Variants in HSD11B1 observed in about 807,000 individuals in gnomAD.
HSD11B1 encodes hydroxysteroid 11-beta dehydrogenase 1.
Under a neutral mutation model 22.1 loss-of-function variants are expected in HSD11B1, and 15 were observed. The ratio of observed to expected loss-of-function variants is 0.68; its 90% confidence interval spans 0.45 to 1.04. The LOEUF is 1.04. Among genes scored for constraint, HSD11B1 ranks in the 50% least tolerant of loss-of-function variants. The pLI is 0.00. For synonymous variants in HSD11B1, 122 were observed against 125.2 expected (o/e 0.97, Z 0.17); for missense variants, 281 against 357.6 (o/e 0.79, Z 1.73).
intron 1 of HSD11B1, among the ~76,000 whole-genome samples, chr1:209,686,769 C>T (rs1037063463): frequency 1.2e-4 from 19 of 152,192 alleles, no homozygotes; most frequent in Non-Finnish European, 7.3e-5. Context: ...ATGTTGCAGC[C>T]AAACATCAGC....
At chr1:209,722,977 A>G (rs565429744) in intron 4 of HSD11B1, among the ~76,000 whole-genome samples, 1 of 152,304 alleles carries the variant, frequency 6.6e-6, no homozygotes, top group East Asian at 1.9e-4. Context: ...TACTCAGCTA[A>G]TAAGCCTCAG....
intron 1 of HSD11B1, among the ~76,000 whole-genome samples, chr1:209,697,661 C>T (rs1196172580): frequency 6.6e-6 from 1 of 152,036 alleles, no homozygotes; most frequent in East Asian, 1.9e-4. Flanking sequence ...ACCTCTTTTG[C>T]CTTTTTGGGC....
chr1:209,690,053 T>G (rs2076750044), intron 1 of HSD11B1, among the ~76,000 whole-genome samples: 2 of 152,244 alleles, frequency 1.3e-5, no homozygotes, highest in South Asian at 4.1e-4. Flanking sequence ...CAGTGTCTCA[T>G]GCCTATAATC....
At chr1:209,723,502 A>G (rs2076981144) in intron 4 of HSD11B1, among the ~76,000 whole-genome samples, 1 of 152,138 alleles carries the variant, frequency 6.6e-6, no homozygotes. Flanking sequence ...CCTGGACATG[A>G]GCTAGGGCAG....
At chr1:209,697,485 C>A (rs181259798) in intron 1 of HSD11B1, among the ~76,000 whole-genome samples, 1 of 152,212 alleles carries the variant, frequency 6.6e-6, no homozygotes, top group African/African-American at 2.4e-5. Flanking sequence ...CTTCCATTAG[C>A]GCACTGGTAA....
intron 4 of HSD11B1, among the ~76,000 whole-genome samples, chr1:209,727,833 C>T (rs925595397): frequency 3.9e-5 from 6 of 152,292 alleles, no homozygotes; most frequent in East Asian, 1.9e-4. Context: ...TACTTGTCTC[C>T]GCTTACTTAT....
intron 1 of HSD11B1, among the ~76,000 whole-genome samples, chr1:209,689,032 G>A (rs1397730047): frequency 1.3e-5 from 2 of 152,168 alleles, no homozygotes; most frequent in African/African-American, 4.8e-5. Context: ...TACTCCAGCT[G>A]GAGAAGGAAA....
intron 5 of HSD11B1, 116 bp downstream of exon 5, chr1:209,732,695 C>G: frequency 1.2e-6 from 1 of 852,012 alleles, no homozygotes; most frequent in East Asian, 2.6e-5. Flanking sequence ...GTGTGCTGCA[C>G]CCATTAACTC....
chr1:209,690,604 G>A (rs1271598546), intron 1 of HSD11B1, among the ~76,000 whole-genome samples: 1 of 151,972 alleles, frequency 6.6e-6, no homozygotes, highest in African/African-American at 2.4e-5. Flanking sequence ...GGCTGAGGCA[G>A]GAGAACCGCT....
At chr1:209,710,660 T>G (rs1249065766) in intron 4 of HSD11B1, among the ~76,000 whole-genome samples, 3 of 152,126 alleles carry the variant, frequency 2.0e-5, no homozygotes, top group Non-Finnish European at 2.9e-5. Flanking sequence ...GGGATAGTAA[T>G]CCTTCTGGAT....
intron 4 of HSD11B1, among the ~76,000 whole-genome samples, chr1:209,729,096 T>G (rs911707970): frequency 2.6e-5 from 4 of 152,178 alleles, no homozygotes; most frequent in African/African-American, 9.7e-5. Flanking sequence ...TAGTGGCTCA[T>G]GCCTGTAATC....
chr1:209,724,698 A>T (rs2076989176), intron 4 of HSD11B1, among the ~76,000 whole-genome samples: 1 of 152,218 alleles, frequency 6.6e-6, no homozygotes, highest in Non-Finnish European at 1.5e-5. Context: ...AAACTTCTAA[A>T]TATGGTTTAC....
intron 4 of HSD11B1, chr1:209,724,155 G>T (rs939755291): frequency 2.0e-5 from 3 of 152,278 alleles, no homozygotes; most frequent in Admixed American, 2.0e-4. Flanking sequence ...CTACAAGGGA[G>T]AGTTTCCATA....
chr1:209,701,092 CA>C (rs1268515892), upstream of HSD11B1, among the ~76,000 whole-genome samples: 3 of 152,228 alleles, frequency 2.0e-5, no homozygotes, highest in African/African-American at 7.2e-5. Flanking sequence ...TACCCAGTTC[CA>C]AAGTCACTTC....
intron 1 of HSD11B1, among the ~76,000 whole-genome samples, chr1:209,693,337 A>G (rs539228024): frequency 7.2e-4 from 109 of 152,362 alleles, no homozygotes; most frequent in African/African-American, 2.5e-3. Flanking sequence ...GCTGTGGTCA[A>G]TACTGAGGAA....
intron 4 of HSD11B1, among the ~76,000 whole-genome samples, chr1:209,716,634 C>T (rs1293006163): frequency 1.3e-5 from 2 of 151,156 alleles, no homozygotes; most frequent in Non-Finnish European, 2.9e-5. Flanking sequence ...AACAAAACTG[C>T]AAGTAATACA....
In HSD11B1 at chr1:209,734,390, G is replaced by A; in HGVS notation, c.748G>A (p.Ala250Thr). 6.2e-7 allele frequency: 1 copy of A among 1,614,130 alleles called. No individual in the cohort carries two copies. Among genetic ancestry groups the A allele is most frequent in the Middle Eastern group, 1.7e-4 (1 of 6,060 alleles). The part of the protein sequence containing the change: ...ECALEIIKGG[A>T]LRQEEVYYDS... Reference sequence around the variant, plus strand: ...TGCCCTGGAGATCATCAAAGGGGGAGCTCTGCGCCAAGAAGAAGTGTATTA... The same window carrying A: ...TGCCCTGGAGATCATCAAAGGGGGAACTCTGCGCCAAGAAGAAGTGTATTA... The change falls in exon 6 of 6, where the codon GCT becomes ACT. Residue 250 changes from alanine to threonine, a missense_variant. Physicochemically the swap from Ala to Thr is moderately conservative, Grantham distance 58. Transcript: ENST00000367027.
chr1:209,732,477 A>C lies in HSD11B1; in HGVS notation c.559A>C (p.Lys187Gln). 6.2e-7 allele frequency: 1 copy of C among 1,614,106 alleles called. No homozygotes were observed. Among genetic ancestry groups the C allele is most frequent in the Non-Finnish European group, 8.5e-7 (1 of 1,179,984 alleles). ...YPMVAAYSAS[K>Q]FALDGFFSSI... ...AATGGTTGCTGCCTATTCTGCAAGC[A>C]AGTTTGCTTTGGATGGGTTCTTCTC... The change falls in exon 5 of 6, where the codon AAG (lysine) becomes CAG (glutamine). Residue 187 changes from lysine to glutamine, a missense_variant. Transcript: ENST00000367027.
intron 4 of HSD11B1, among the ~76,000 whole-genome samples, chr1:209,715,291 A>T (rs2076923157): frequency 6.6e-6 from 1 of 152,226 alleles, no homozygotes; most frequent in Non-Finnish European, 1.5e-5. Context: ...ACACAAGGAC[A>T]GATATATAAA....
Sources: gnomAD v4.1 joint callset for allele counts (sites outside exome capture counted in the v4.1 genomes callset) on GRCh38, gnomAD v4.1.1 for gene constraint, MANE v1.5 for transcripts, NCBI Gene and HGNC (gene_info 2026-07-23, HGNC 2026-07-21) for gene names.